Variants in TENM2 observed in about 807,000 individuals in gnomAD.
TENM2 encodes teneurin transmembrane protein 2, also known as teneurin-2.
Under a neutral mutation model 245.2 loss-of-function variants are expected in TENM2, and 52 were observed. That is an observed-to-expected ratio of 0.21 (90% CI 0.17 to 0.27). The LOEUF (loss-of-function observed/expected upper bound fraction) is 0.27. Ranked by LOEUF, TENM2 falls within the 10% of genes least tolerant of loss-of-function variation. The pLI, the probability that TENM2 is intolerant of heterozygous loss-of-function variation, is 1.00. For synonymous variants in TENM2, 1,363 were observed against 1,438.9 expected, an observed-to-expected ratio of 0.95 and a Z score of 1.19; for missense variants, 3,046 against 3,666.8, an observed-to-expected ratio of 0.83 and a Z score of 4.37.
chr5:167,896,402 G>C (rs1273425679), intron 3 of TENM2, among the ~76,000 whole-genome samples: 1 of 152,232 alleles, frequency 6.6e-6, no homozygotes. Context: ...GAAGGCCCTT[G>C]TCTGCCTTCC....
At chr5:168,111,361 C>T (rs535011031) in intron 9 of TENM2, among the ~76,000 whole-genome samples, 9 of 152,234 alleles carry the variant, frequency 5.9e-5, no homozygotes, top group African/African-American at 1.7e-4. Flanking sequence ...CCTCTCTTCA[C>T]GGGGGTCCTG....
the TENM2 span, among the ~76,000 whole-genome samples, chr5:167,071,934 C>T: frequency 0.16 from 22,062 of 140,040 alleles, 2,420 homozygotes; most frequent in East Asian, 0.4. Flanking sequence ...TAGCACTCAA[C>T]GCTTTTATTC....
chr5:167,531,117 G>A (rs1340553201), intron 2 of TENM2, among the ~76,000 whole-genome samples: 1 of 152,190 alleles, frequency 6.6e-6, no homozygotes, highest in African/African-American at 2.4e-5. Flanking sequence ...GGAAGTGGCT[G>A]AAGCAGTGGC....
chr5:167,132,746 A>G, the TENM2 span, among the ~76,000 whole-genome samples: 2 of 152,260 alleles, frequency 1.3e-5, no homozygotes, highest in Non-Finnish European at 2.9e-5. Context: ...TTATTTTAAT[A>G]GTAACACAAA....
At chr5:167,001,191 T>C in the TENM2 span, among the ~76,000 whole-genome samples, 10 of 152,176 alleles carry the variant, frequency 6.6e-5, no homozygotes, top group African/African-American at 1.7e-4. Flanking sequence ...TAGGTGTACA[T>C]TGGCAATGGA....
At chr5:167,003,279 C>T in the TENM2 span, among the ~76,000 whole-genome samples, 1 of 152,194 alleles carries the variant, frequency 6.6e-6, no homozygotes. Context: ...CAGGTGTCTT[C>T]ACCCAAGAAC....
At chr5:167,890,465 C>A (rs1173125447) in intron 3 of TENM2, among the ~76,000 whole-genome samples, 1 of 152,144 alleles carries the variant, frequency 6.6e-6, no homozygotes, top group South Asian at 2.1e-4. Flanking sequence ...AAACATCTGA[C>A]CCTTGGTCAA....
exon 1 of TENM2, chr5:167,284,883 T>C: frequency 6.4e-7 from 1 of 1,551,794 alleles, no homozygotes; most frequent in South Asian, 1.2e-5. Context: ...CAGAGGACGC[T>C]GTGGCAAAGA....
intron 5 of TENM2, among the ~76,000 whole-genome samples, chr5:168,010,336 CAGG>C (rs1178981266): frequency 6.6e-6 from 1 of 152,158 alleles, no homozygotes; most frequent in East Asian, 1.9e-4. Flanking sequence ...GTAAGACATC[CAGG>C]AGAAGTTTAA....
chr5:167,194,626 G>A, the TENM2 span, among the ~76,000 whole-genome samples: 2 of 151,990 alleles, frequency 1.3e-5, no homozygotes, highest in Non-Finnish European at 2.9e-5. Context: ...AGAAGGAACA[G>A]GGGGTTGGGA....
At chr5:167,987,257 G>A (rs911219311) in intron 4 of TENM2, among the ~76,000 whole-genome samples, 4 of 151,518 alleles carry the variant, frequency 2.6e-5, no homozygotes, top group Admixed American at 2.6e-4. Flanking sequence ...CATTTGGAAG[G>A]GCATAAAAGT....
chr5:168,021,480 C>T (rs1452138702), intron 5 of TENM2, among the ~76,000 whole-genome samples: 2 of 152,256 alleles, frequency 1.3e-5, no homozygotes, highest in Non-Finnish European at 2.9e-5. Flanking sequence ...TTGAAACCCA[C>T]AGCCTTCCTT....
At chr5:167,458,799 A>G (rs188624402) in intron 2 of TENM2, among the ~76,000 whole-genome samples, 87 of 152,304 alleles carry the variant, frequency 5.7e-4, no homozygotes, top group African/African-American at 2.0e-3. Flanking sequence ...CACTGATGAG[A>G]AAAAGAAGTC....
intron 2 of TENM2, among the ~76,000 whole-genome samples, chr5:167,784,745 G>GA (rs1274051117): frequency 6.6e-6 from 1 of 151,924 alleles, no homozygotes; most frequent in African/African-American, 2.4e-5. Flanking sequence ...AAAAAGAGGT[G>GA]AAAAAAAGGT....
At chr5:167,486,390 G>A (rs1008109318) in intron 2 of TENM2, among the ~76,000 whole-genome samples, 9 of 149,550 alleles carry the variant, frequency 6.0e-5, no homozygotes, top group East Asian at 2.0e-4. Flanking sequence ...GTGCAGTGGC[G>A]CCATCTCGGC....
At chr5:168,016,110 A>G (rs1785628959) in intron 5 of TENM2, among the ~76,000 whole-genome samples, 1 of 152,160 alleles carries the variant, frequency 6.6e-6, no homozygotes, top group South Asian at 2.1e-4. Context: ...CACTCACTCT[A>G]TGCTGGTCAC....
At chr5:167,497,460 C>A (rs1335683834) in intron 2 of TENM2, among the ~76,000 whole-genome samples, 1 of 151,978 alleles carries the variant, frequency 6.6e-6, no homozygotes, top group Non-Finnish European at 1.5e-5. Context: ...TTTGATGACT[C>A]GACATTCACC....
the TENM2 span, among the ~76,000 whole-genome samples, chr5:167,031,375 G>A: frequency 3.9e-5 from 6 of 152,140 alleles, no homozygotes; most frequent in Non-Finnish European, 7.3e-5. Context: ...TGGCCTCCCT[G>A]AGCCTGGATT....
the TENM2 span, among the ~76,000 whole-genome samples, chr5:167,201,844 C>T: frequency 6.6e-6 from 1 of 152,136 alleles, no homozygotes; most frequent in Non-Finnish European, 1.5e-5. Context: ...AGTTCAGATG[C>T]AGTTTCCTTT....
Sources: allele counts gnomAD v4.1 joint callset (sites outside exome capture counted in the v4.1 genomes callset), GRCh38; gene constraint gnomAD v4.1.1; transcripts MANE v1.5; gene names NCBI Gene and HGNC (gene_info 2026-07-23, HGNC 2026-07-21).